The following EPHA5 variants were observed in gnomAD, a reference collection of about 807,000 sequenced individuals.
EPHA5 encodes the protein ephrin type-A receptor 5.
EPHA5 carries 60 observed loss-of-function variants against 105.0 expected under a neutral mutation model. That is an observed-to-expected ratio of 0.57 (90% CI 0.46 to 0.71). The LOEUF (loss-of-function observed/expected upper bound fraction) is 0.71. EPHA5 is among the 30% of genes least tolerant of loss of function. EPHA5 has a pLI of 0.00. For synonymous variants in EPHA5, 513 were observed against 449.1 expected (o/e 1.14, Z -1.80); for missense variants, 1,218 against 1,274.7 (o/e 0.96, Z 0.68).
At chr4:65,327,884 C>G (rs1257285206) in intron 16 of EPHA5, among the ~76,000 whole-genome samples, 3 of 151,048 alleles carry the variant, frequency 2.0e-5, no homozygotes, top group African/African-American at 7.3e-5. Flanking sequence ...TCCCATTTTA[C>G]TACCTAAACC....
rs1722804342 is a variant in EPHA5, at chr4:65,351,425, T to C, written c.2409A>G (p.Val803=). 6.2e-7 allele frequency: 1 copy of C among 1,613,752 alleles called. No homozygotes were observed. Among genetic ancestry groups the C allele is most frequent in the African/African-American group, 1.3e-5 (1 of 75,016 alleles). ...AGGCTGCCTCGGGATCATCTTCCAG[T>C]ACCCGGGAAAGTCCAAAGTCAGACA... ...CKVSDFGLSR[V]LEDDPEAAYT... The change falls in exon 13 of 17, where the codon GTA becomes GTG. Residue 803 remains valine, a synonymous_variant. Coordinates refer to ENST00000613740, the MANE Select transcript of EPHA5 (RefSeq NM_001281766.3).
chr4:65,526,751 T>TGG (rs1466337433), intron 3 of EPHA5, among the ~76,000 whole-genome samples: 3 of 151,900 alleles, frequency 2.0e-5, no homozygotes, highest in East Asian at 3.9e-4. Context: ...ATATCACTCA[T>TGG]ATAACAACTG....
intron 11 of EPHA5, among the ~76,000 whole-genome samples, chr4:65,357,740 G>A (rs1247131213): frequency 2.6e-5 from 4 of 151,172 alleles, no homozygotes; most frequent in African/African-American, 9.7e-5. Context: ...AAGTACTAAA[G>A]ATCTGCTGTA....
At chr4:65,585,831 A>G (rs1346628773) in intron 3 of EPHA5, among the ~76,000 whole-genome samples, 1 of 151,778 alleles carries the variant, frequency 6.6e-6, no homozygotes, top group Non-Finnish European at 1.5e-5. Flanking sequence ...ATGTTTTTCT[A>G]CAGCAGTATG....
At chr4:65,441,539 G>A (rs1345834507) in intron 5 of EPHA5, among the ~76,000 whole-genome samples, 1 of 151,788 alleles carries the variant, frequency 6.6e-6, no homozygotes, top group African/African-American at 2.4e-5. Context: ...AAGGCAGAGT[G>A]GAAGAAAGGA....
intron 8 of EPHA5, among the ~76,000 whole-genome samples, chr4:65,374,754 GA>G (rs1718822014): frequency 6.6e-6 from 1 of 151,890 alleles, no homozygotes; most frequent in Non-Finnish European, 1.5e-5. Context: ...GGAATTCTAA[GA>G]TTAAGAATGT....
At chr4:65,631,733 T>TATCATA (rs1746652686) in intron 2 of EPHA5, among the ~76,000 whole-genome samples, 2 of 109,594 alleles carry the variant, frequency 1.8e-5, no homozygotes, top group African/African-American at 5.6e-5. Flanking sequence ...AAACTTAAAG[T>TATCATA]ATAATAATAA....
At chr4:65,371,857 G>A in intron 8 of EPHA5, among the ~76,000 whole-genome samples, 1 of 151,934 alleles carries the variant, frequency 6.6e-6, no homozygotes, top group Admixed American at 6.6e-5. Flanking sequence ...AGGGGAAGAA[G>A]TGGTTTTGCA....
intron 3 of EPHA5, among the ~76,000 whole-genome samples, chr4:65,503,183 G>A (rs1188947512): frequency 6.6e-6 from 1 of 151,754 alleles, no homozygotes; most frequent in African/African-American, 2.4e-5. Flanking sequence ...TTCACTACCT[G>A]AGTGATGGGA....
chr4:65,354,887 C>G (rs979201465), intron 11 of EPHA5, among the ~76,000 whole-genome samples: 2 of 151,736 alleles, frequency 1.3e-5, no homozygotes, highest in South Asian at 4.1e-4. Context: ...ATAAAATACT[C>G]GAGACAATAT....
intron 5 of EPHA5, among the ~76,000 whole-genome samples, chr4:65,429,289 A>G (rs1724754257): frequency 6.6e-6 from 1 of 152,060 alleles, no homozygotes; most frequent in Non-Finnish European, 1.5e-5. Flanking sequence ...GCAATTTTCA[A>G]TAATGTTTTA....
chr4:65,484,213 A>T (rs953903579), intron 5 of EPHA5, among the ~76,000 whole-genome samples: 3 of 152,124 alleles, frequency 2.0e-5, no homozygotes, highest in Non-Finnish European at 2.9e-5. Context: ...TGGCAGAAGC[A>T]ACAGTGTGCT....
At chr4:65,507,265 T>C (rs2149253070) in intron 3 of EPHA5, among the ~76,000 whole-genome samples, 1 of 152,322 alleles carries the variant, frequency 6.6e-6, no homozygotes. Context: ...TTTTGGTTAC[T>C]GTAGCCTTGT....
intron 5 of EPHA5, among the ~76,000 whole-genome samples, chr4:65,460,466 A>T (rs558347633): frequency 6.6e-6 from 1 of 151,300 alleles, no homozygotes; most frequent in Non-Finnish European, 1.5e-5. Flanking sequence ...TGAGAAGTTA[A>T]TGTAAATAAC....
intron 8 of EPHA5, chr4:65,376,976 GA>G: frequency 1.3e-6 from 2 of 1,591,484 alleles, no homozygotes; most frequent in South Asian, 1.1e-5. Flanking sequence ...ACATAGGAGT[GA>G]AAGTGGGAGG....
chr4:65,484,160 C>T (rs557648275), intron 5 of EPHA5, among the ~76,000 whole-genome samples: 2 of 152,156 alleles, frequency 1.3e-5, no homozygotes, highest in African/African-American at 4.8e-5. Flanking sequence ...TAGAAGTTCA[C>T]ATCTCAGTAA....
At chr4:65,521,069 T>C (rs1457046048) in intron 3 of EPHA5, among the ~76,000 whole-genome samples, 2 of 152,098 alleles carry the variant, frequency 1.3e-5, no homozygotes, top group East Asian at 1.9e-4. Context: ...TAAAGACACA[T>C]GCACATGTAT....
At chr4:65,602,594 T>A (rs753554245) in intron 2 of EPHA5, among the ~76,000 whole-genome samples, 1 of 152,086 alleles carries the variant, frequency 6.6e-6, no homozygotes, top group Non-Finnish European at 1.5e-5. Flanking sequence ...AACCATGCAT[T>A]TCAGAGTAAA....
intron 3 of EPHA5, among the ~76,000 whole-genome samples, chr4:65,577,429 A>G (rs1741166836): frequency 6.6e-6 from 1 of 152,168 alleles, no homozygotes; most frequent in East Asian, 1.9e-4. Flanking sequence ...GATTTTTAAA[A>G]TCTGCTTTAT....
Sources: allele counts gnomAD v4.1 joint callset (sites outside exome capture counted in the v4.1 genomes callset), GRCh38; gene constraint gnomAD v4.1.1; transcripts MANE v1.5; gene names NCBI Gene and HGNC (gene_info 2026-07-23, HGNC 2026-07-21).